Variants in GLI3 observed in about 807,000 individuals in gnomAD.
GLI3 encodes GLI family zinc finger 3.
A neutral mutation model predicts 100.8 loss-of-function variants in GLI3; 20 were observed. That is an observed-to-expected ratio of 0.20 (90% CI 0.14 to 0.29). GLI3 has a LOEUF of 0.29. Among genes scored for constraint, GLI3 ranks in the 10% least tolerant of loss-of-function variants. GLI3 has a pLI of 1.00. For missense variants in GLI3, 2,040 were observed against 2,128.5 expected (o/e 0.96, Z 0.82); for synonymous variants, 938 against 860.5 (o/e 1.09, Z -1.58).
rs1297343032 is a variant in GLI3 at position 42,005,542 on chromosome 7, C to T, written c.1497+17926G>A. The stretch of plus-strand genomic sequence containing the variant: ...ATGGACCTCCTCTAAATTTTGGGGT[C>T]CATTGAGTGAACACGGTGCTGCCTT... On this transcript the variant is annotated intron_variant, in intron 10 of 14. Coordinates refer to ENST00000395925, the MANE Select transcript of GLI3 (RefSeq NM_000168.6). 4.0e-5 allele frequency among the ~76,000 whole-genome samples: 6 copies of T among 149,932 alleles called. No homozygotes were observed. The South Asian group carries it at 6.3e-4, about 16-fold the overall frequency.
chr7:42,114,355 A>G (rs1435123154), intron 3 of GLI3, among the ~76,000 whole-genome samples: 4 of 152,150 alleles, frequency 2.6e-5, no homozygotes, highest in South Asian at 2.1e-4. Context: ...TATACTGTTA[A>G]CGACTGTCTA....
At position 42,094,221 on chromosome 7, in the gene GLI3, A is replaced by G. The variant is rs376994986; in HGVS notation, c.368-17364T>C. Among the ~76,000 whole-genome samples the G allele has an allele frequency of 4.6e-5, 7 of 152,312 alleles. No homozygotes were observed. In the East Asian group the frequency reaches 9.7e-4, roughly 21 times the overall value. On this transcript the variant is annotated intron_variant, in intron 3 of 14. Transcript: ENST00000395925. ...TGACTCTTAAAGTTTAGACAGGACA[A>G]TTAGAACCACGAATTCTGTTCTGTG... is the stretch of plus-strand genomic sequence containing the variant.
At chr7:42,157,373 C>A (rs1379378459) in intron 2 of GLI3, among the ~76,000 whole-genome samples, 1 of 152,170 alleles carries the variant, frequency 6.6e-6, no homozygotes, top group Non-Finnish European at 1.5e-5. Context: ...TCAGGTACTG[C>A]CTATGAGGGA....
intron 10 of GLI3, among the ~76,000 whole-genome samples, chr7:42,021,417 A>G (rs976629327): frequency 6.6e-6 from 1 of 152,192 alleles, no homozygotes; most frequent in Non-Finnish European, 1.5e-5. Flanking sequence ...TTTAGTTGGT[A>G]GTTTTAAGCA....
intron 1 of GLI3, among the ~76,000 whole-genome samples, chr7:42,228,951 G>A (rs10951675): frequency 0.86 from 131,429 of 152,110 alleles, 56,873 homozygotes; most frequent in Middle Eastern, 0.94. Flanking sequence ...GTGTGGGAAC[G>A]TGAGAAAAAA....
In GLI3 at chr7:41,972,264, G is replaced by C; in HGVS notation, c.2103+73C>G. On this transcript the variant is annotated intron_variant, in intron 13 of 14. Coordinates refer to ENST00000395925, the MANE Select transcript of GLI3 (RefSeq NM_000168.6). This position sits in a 1 kb window ranked among gnomAD's most constrained non-coding sequence, Gnocchi z 4.4. ...GACACAGTGAGGACCGGGAAGTCCT[G>C]TCCCTCTATGCACCCTACCTGGCTC... 7.2e-7 allele frequency: 1 copy of C among 1,394,038 alleles called. No homozygotes were observed. The highest frequency in any genetic ancestry group is 1.0e-6 in the Non-Finnish European group (1 of 980,976). The allele number at this position is 1,394,038 out of a possible 1,614,324, so 86.4% of individuals were successfully genotyped here.
chr7:42,215,979 A>G (rs545907771), intron 2 of GLI3, among the ~76,000 whole-genome samples: 1 of 152,220 alleles, frequency 6.6e-6, no homozygotes, highest in African/African-American at 2.4e-5. Flanking sequence ...AAATGCATCA[A>G]TAAATTTAAT....
chr7:42,141,853 CT>C (rs1355713191), intron 3 of GLI3, among the ~76,000 whole-genome samples: 2 of 152,098 alleles, frequency 1.3e-5, no homozygotes, highest in African/African-American at 4.8e-5. Flanking sequence ...CAAGAAGCCA[CT>C]CTGATGGGCA....
At chr7:42,202,715 C>A (rs1405236944) in intron 2 of GLI3, among the ~76,000 whole-genome samples, 1 of 152,160 alleles carries the variant, frequency 6.6e-6, no homozygotes, top group Non-Finnish European at 1.5e-5. Context: ...GTCCTCCAGG[C>A]CCCCAGGCTG....
At chr7:42,141,390 A>G (rs1786563764) in intron 3 of GLI3, among the ~76,000 whole-genome samples, 1 of 152,180 alleles carries the variant, frequency 6.6e-6, no homozygotes. Context: ...TCCCTGCCTT[A>G]TGCCAGTGAG....
rs1005793754 is a variant in GLI3, at chr7:42,045,589, C to G, written c.680-59G>C. The G allele has an allele frequency of 4.6e-6, 7 of 1,521,526 alleles. No individual in the cohort carries two copies. In the African/African-American group the frequency reaches 9.6e-5, roughly 21 times the overall value. The allele number at this position is 1,521,526 out of a possible 1,614,324, so 94.3% of individuals were successfully genotyped here. A position where few individuals can be genotyped will look rare whatever the true frequency, so the allele number is the denominator to read the frequency against. ...GAAAGAAGGTCAACTAGAAGTTTCT[C>G]TTGAGGCATCTCAGAGTCCATTACA... On this transcript the variant is annotated intron_variant, in intron 5 of 14. Transcript: ENST00000395925.
chr7:42,079,072 T>C (rs564851761), intron 3 of GLI3, among the ~76,000 whole-genome samples: 7 of 152,298 alleles, frequency 4.6e-5, no homozygotes, highest in Admixed American at 2.0e-4. Flanking sequence ...CATATAAAAA[T>C]TGATTATATT....
intron 4 of GLI3, among the ~76,000 whole-genome samples, chr7:42,061,893 C>T (rs1033527351): frequency 3.9e-5 from 6 of 152,076 alleles, no homozygotes; most frequent in Admixed American, 6.6e-5. Flanking sequence ...TTGCTCAAGA[C>T]GTAGAGAACA....
At chr7:42,224,752 C>T (rs4724099) in intron 1 of GLI3, among the ~76,000 whole-genome samples, 56,600 of 152,182 alleles carry the variant, frequency 0.37, 12,373 homozygotes, top group East Asian at 0.72. Context: ...GTGCAGCCAC[C>T]GTGCGTGAGT....
rs150807762 is a variant in GLI3 at position 42,089,975 on chromosome 7, G to A, written c.368-13118C>T. Among the ~76,000 whole-genome samples, 492 of 152,250 alleles carry A rather than the reference G, an allele frequency of 3.2e-3. 4 individuals carry two copies. Among genetic ancestry groups the A allele is most frequent in the African/African-American group, 0.011 (472 of 41,530 alleles). ...ACCTAGATGGTGGAGCCTACTACACGCCCATGCTGTATGGTATAGCCTATT... is the reference window on the plus strand; with the variant it reads ...ACCTAGATGGTGGAGCCTACTACACACCCATGCTGTATGGTATAGCCTATT... On this transcript the variant is annotated intron_variant, in intron 3 of 14. Coordinates refer to ENST00000395925, the MANE Select transcript of GLI3 (RefSeq NM_000168.6).
intron 4 of GLI3, among the ~76,000 whole-genome samples, chr7:42,063,350 T>G (rs1296101378): frequency 6.6e-6 from 1 of 152,204 alleles, no homozygotes; most frequent in Non-Finnish European, 1.5e-5. Flanking sequence ...GTTACTGATC[T>G]AAAGGTGCAA....
At chr7:42,045,184 T>C (rs981712350) in intron 6 of GLI3, among the ~76,000 whole-genome samples, 200 bp downstream of exon 6, 2 of 152,212 alleles carry the variant, frequency 1.3e-5, no homozygotes, top group African/African-American at 4.8e-5. Flanking sequence ...ATCCTTGAGC[T>C]AAACAGGGGG....
At chr7:41,983,327 G>A (rs940453482) in intron 10 of GLI3, among the ~76,000 whole-genome samples, 6 of 152,114 alleles carry the variant, frequency 3.9e-5, no homozygotes, top group African/African-American at 1.4e-4. Context: ...GTACCCCAAC[G>A]AAGGGAGGGC....
At chr7:41,976,419 T>A (rs942777347) in intron 12 of GLI3, among the ~76,000 whole-genome samples, 1 of 152,218 alleles carries the variant, frequency 6.6e-6, no homozygotes, top group African/African-American at 2.4e-5. Context: ...CCTTTAGAGA[T>A]GTTTTTGCTC....
Sources: allele counts gnomAD v4.1 joint callset (sites outside exome capture counted in the v4.1 genomes callset), GRCh38; gene constraint gnomAD v4.1.1; non-coding constraint Gnocchi (gnomAD v3.1); transcripts MANE v1.5; gene names NCBI Gene and HGNC (gene_info 2026-07-23, HGNC 2026-07-21).